PALS2: variants seen among roughly 807,000 people sequenced by gnomAD.
The protein encoded by PALS2 is protein associated with LIN7 2, MAGUK p55 family member.
A neutral mutation model predicts 61.6 loss-of-function variants in PALS2; 27 were observed. The observed-to-expected ratio is 0.44, with a 90% CI of 0.32 to 0.60. The LOEUF (loss-of-function observed/expected upper bound fraction) is 0.60, where lower values mean the gene tolerates loss of function less well. Among genes scored for constraint, PALS2 ranks in the 20% least tolerant of loss-of-function variants. The pLI, the probability that PALS2 is intolerant of heterozygous loss-of-function variation, is 0.05. For synonymous variants in PALS2, 236 were observed against 218.6 expected, an observed-to-expected ratio of 1.08 and a Z score of -0.70; for missense variants, 554 against 639.4, an observed-to-expected ratio of 0.87 and a Z score of 1.44.
intron 1 of PALS2, among the ~76,000 whole-genome samples, chr7:24,597,546 T>A (rs1267675659): frequency 1.3e-5 from 2 of 152,100 alleles, no homozygotes; most frequent in Non-Finnish European, 2.9e-5. Context: ...AAGTTACTAT[T>A]TAAGGATGGA....
At chr7:24,635,089 T>C (rs1350993670) in intron 2 of PALS2, among the ~76,000 whole-genome samples, 1 of 152,222 alleles carries the variant, frequency 6.6e-6, no homozygotes, top group African/African-American at 2.4e-5. Context: ...AGAATCAGTT[T>C]GTCAATTTCT....
intron 2 of PALS2, among the ~76,000 whole-genome samples, chr7:24,632,745 A>G (rs1228186230): frequency 6.6e-6 from 1 of 152,110 alleles, no homozygotes; most frequent in East Asian, 1.9e-4. Context: ...ATATAATTCG[A>G]TTAACGTCTT....
chr7:24,622,535 A>G (rs1234721411), intron 1 of PALS2, among the ~76,000 whole-genome samples: 1 of 151,934 alleles, frequency 6.6e-6, no homozygotes, highest in Non-Finnish European at 1.5e-5. Context: ...TTAATCTTGT[A>G]TACTGAAACC....
At chr7:24,645,233 C>T (rs1350268729) in intron 3 of PALS2, among the ~76,000 whole-genome samples, 1 of 151,786 alleles carries the variant, frequency 6.6e-6, no homozygotes, top group African/African-American at 2.4e-5. Context: ...TGGTATTGCG[C>T]AGGTTGTCTT....
rs193011745 is a variant in PALS2, at chr7:24,657,698, A to C, written c.652-5892A>C. ...GTCATTCAAAGAGCAGAAGTTCTGA[A>C]TTTTGATGAAATCCAATTTATGATT... On this transcript the variant is annotated intron_variant, in intron 5 of 11. Coordinates refer to ENST00000222644, the MANE Select transcript of PALS2 (RefSeq NM_001303037.2). Among the ~76,000 whole-genome samples, 388 of 152,254 alleles carry C rather than the reference A, an allele frequency of 2.5e-3. 6 individuals are homozygous for C. Among genetic ancestry groups the C allele is most frequent in the African/African-American group, 9.1e-3 (378 of 41,554 alleles).
At chr7:24,650,894 A>G (rs566675655) in intron 5 of PALS2, among the ~76,000 whole-genome samples, 182 bp downstream of exon 5, 1 of 152,312 alleles carries the variant, frequency 6.6e-6, no homozygotes, top group South Asian at 2.1e-4. Context: ...CTATTTTACT[A>G]TTGTAAAGGA....
intron 4 of PALS2, among the ~76,000 whole-genome samples, 189 bp from the exon 5 acceptor site, chr7:24,650,296 C>A (rs891538231): frequency 2.0e-5 from 3 of 152,052 alleles, no homozygotes; most frequent in Non-Finnish European, 4.4e-5. Flanking sequence ...TACATCCTAT[C>A]CACTAGTGTA....
At chr7:24,578,852 TA>T (rs1236437123) in intron 1 of PALS2, among the ~76,000 whole-genome samples, 1 of 152,214 alleles carries the variant, frequency 6.6e-6, no homozygotes, top group Non-Finnish European at 1.5e-5. Context: ...CTCCTCTTTT[TA>T]AATTTGATCT....
intron 2 of PALS2, among the ~76,000 whole-genome samples, chr7:24,632,340 TTAAAG>T (rs2128063651): frequency 6.6e-6 from 1 of 152,358 alleles, no homozygotes; most frequent in East Asian, 1.9e-4. Context: ...ATCTTTGTAT[TTAAAG>T]TAAGTTTCTG....
At chr7:24,640,401 TC>T (rs1785462086) in intron 2 of PALS2, among the ~76,000 whole-genome samples, 1 of 152,212 alleles carries the variant, frequency 6.6e-6, no homozygotes. Flanking sequence ...CTCTGAAGGA[TC>T]CACTCTATGG....
At chr7:24,650,767 G>C in intron 5 of PALS2, 55 bp downstream of exon 5, 1 of 1,212,434 alleles carries the variant, frequency 8.2e-7, no homozygotes, top group Non-Finnish European at 1.1e-6. Flanking sequence ...TTTAATCACA[G>C]TGTTGGAAAT....
At chr7:24,646,826 G>A (rs573557770) in intron 3 of PALS2, among the ~76,000 whole-genome samples, 77 of 152,148 alleles carry the variant, frequency 5.1e-4, no homozygotes, top group Non-Finnish European at 9.7e-4. Flanking sequence ...ATTCAATTTC[G>A]GAGGTTGTTA....
intron 2 of PALS2, among the ~76,000 whole-genome samples, chr7:24,639,818 T>TG (rs1250675805): frequency 2.4e-5 from 3 of 126,370 alleles, no homozygotes. Flanking sequence ...AGTCTAATTT[T>TG]TTTTTTTTTT....
chr7:24,632,353 C>T (rs1011799132), intron 2 of PALS2, among the ~76,000 whole-genome samples: 5 of 152,112 alleles, frequency 3.3e-5, no homozygotes, highest in African/African-American at 1.2e-4. Context: ...AAGTAAGTTT[C>T]TGGTAGACAA....
intron 5 of PALS2, among the ~76,000 whole-genome samples, chr7:24,660,541 CAA>C (rs1171381477): frequency 4.0e-5 from 6 of 150,960 alleles, no homozygotes; most frequent in African/African-American, 1.5e-4. Context: ...TTCCTATTGA[CAA>C]ACACACACAC....
intron 5 of PALS2, among the ~76,000 whole-genome samples, chr7:24,661,371 T>G (rs1786712162): frequency 6.6e-6 from 1 of 152,130 alleles, no homozygotes; most frequent in East Asian, 1.9e-4. Flanking sequence ...CTTTTACCTT[T>G]GAGAGATGTG....
Position 24,679,350 on chromosome 7 carries a change from C to T in PALS2, c.1317+17C>T. 5 of 1,610,184 alleles carry T rather than the reference C, an allele frequency of 3.1e-6. No homozygotes were observed. Among genetic ancestry groups the T allele is most frequent in the Non-Finnish European group, 3.4e-6 (4 of 1,177,862 alleles). ...AACCCACAAGTAAGCTGCTTGGATTCCAAAGCTGTTTTATATTTTATTTTC... is the reference window on the plus strand; with the variant it reads ...AACCCACAAGTAAGCTGCTTGGATTTCAAAGCTGTTTTATATTTTATTTTC... On this transcript the variant is annotated intron_variant, in intron 10 of 11. Coordinates refer to ENST00000222644, the MANE Select transcript of PALS2 (RefSeq NM_001303037.2).
At chr7:24,585,093 G>A (rs1783008074) in intron 1 of PALS2, among the ~76,000 whole-genome samples, 1 of 152,136 alleles carries the variant, frequency 6.6e-6, no homozygotes. Context: ...AAGTCAGGTA[G>A]TGTGATGCCT....
chr7:24,611,495 C>T (rs758768458), intron 1 of PALS2, among the ~76,000 whole-genome samples: 14 of 151,636 alleles, frequency 9.2e-5, no homozygotes, highest in Non-Finnish European at 2.1e-4. Context: ...GAAACTATGC[C>T]ACCAAGAAGT....
Sources: allele counts gnomAD v4.1 joint callset (sites outside exome capture counted in the v4.1 genomes callset), GRCh38; gene constraint gnomAD v4.1.1; transcripts MANE v1.5; gene names NCBI Gene and HGNC (gene_info 2026-07-23, HGNC 2026-07-21).